Variants in WASF3 observed in about 807,000 individuals in gnomAD.
The protein encoded by WASF3 is WASP family member 3.
Under a neutral mutation model 46.6 loss-of-function variants are expected in WASF3, and 11 were observed. The ratio of observed to expected loss-of-function variants is 0.24; its 90% CI spans 0.15 to 0.39. The LOEUF is 0.39. WASF3 is among the 10% of genes least tolerant of loss of function. The pLI, the probability that WASF3 is intolerant of heterozygous loss-of-function variation, is 1.00. For synonymous variants in WASF3, 242 were observed against 259.7 expected, an observed-to-expected ratio of 0.93 and a Z score of 0.65; for missense variants, 576 against 669.8, an observed-to-expected ratio of 0.86 and a Z score of 1.55.
intron 5 of WASF3, among the ~76,000 whole-genome samples, chr13:26,670,451 A>T (rs1251236888): frequency 6.6e-6 from 1 of 152,184 alleles, no homozygotes; most frequent in African/African-American, 2.4e-5. Context: ...CTGTGTAACA[A>T]ACCTACATGT....
intron 1 of WASF3, among the ~76,000 whole-genome samples, chr13:26,584,088 A>T (rs1044588599): frequency 6.6e-6 from 1 of 152,188 alleles, no homozygotes; most frequent in Non-Finnish European, 1.5e-5. Context: ...GTTTTGCAGG[A>T]TTATGGAGAT....
intron 3 of WASF3, among the ~76,000 whole-genome samples, chr13:26,651,872 A>G (rs529306494): frequency 3.9e-5 from 6 of 152,364 alleles, no homozygotes; most frequent in Admixed American, 2.0e-4. Context: ...ATGAAGTACT[A>G]TGTTATTTGA....
At chr13:26,635,339 G>C (rs1304168167) in intron 2 of WASF3, among the ~76,000 whole-genome samples, 2 of 152,112 alleles carry the variant, frequency 1.3e-5, no homozygotes, top group Non-Finnish European at 2.9e-5. Flanking sequence ...AGCTCCATCA[G>C]GTCATTTAAG....
intron 3 of WASF3, among the ~76,000 whole-genome samples, chr13:26,650,655 G>T (rs1293666616): frequency 6.6e-6 from 1 of 152,172 alleles, no homozygotes; most frequent in Admixed American, 6.5e-5. Context: ...GATGAACAAC[G>T]TGTGAGGAAA....
At chr13:26,630,881 G>A (rs538296396) in intron 2 of WASF3, among the ~76,000 whole-genome samples, 169 of 152,274 alleles carry the variant, frequency 1.1e-3, no homozygotes, top group African/African-American at 3.9e-3. Context: ...ATCTCATTGT[G>A]GTTTTGATTT....
chr13:26,539,325 C>CAT, the WASF3 span, among the ~76,000 whole-genome samples: 1 of 152,278 alleles, frequency 6.6e-6, no homozygotes, highest in East Asian at 1.9e-4. Context: ...GATGGACCCT[C>CAT]ATGCAGGATC....
chr13:26,578,564 C>T (rs961113706), intron 1 of WASF3, among the ~76,000 whole-genome samples: 4 of 152,140 alleles, frequency 2.6e-5, no homozygotes, highest in African/African-American at 9.7e-5. Context: ...AATAAGTTCC[C>T]ATTCACATTT....
At chr13:26,544,273 T>G in the WASF3 span, among the ~76,000 whole-genome samples, 1 of 152,200 alleles carries the variant, frequency 6.6e-6, no homozygotes, top group Admixed American at 6.5e-5. Flanking sequence ...ATCATCATTG[T>G]TTTTTACTCA....
At chr13:26,547,289 A>T in the WASF3 span, among the ~76,000 whole-genome samples, 1 of 152,120 alleles carries the variant, frequency 6.6e-6, no homozygotes, top group African/African-American at 2.4e-5. Context: ...CTGTGCAATA[A>T]TATAGGGTAT....
intron 3 of WASF3, among the ~76,000 whole-genome samples, chr13:26,648,506 C>T (rs1882218168): frequency 6.6e-6 from 1 of 152,096 alleles, no homozygotes; most frequent in African/African-American, 2.4e-5. Flanking sequence ...AAGGCATGCG[C>T]TGAATAACTT....
At chr13:26,648,564 A>G (rs1882219565) in intron 3 of WASF3, among the ~76,000 whole-genome samples, 1 of 152,194 alleles carries the variant, frequency 6.6e-6, no homozygotes, top group Non-Finnish European at 1.5e-5. Flanking sequence ...GGTGAGGAAG[A>G]TAGAACACAG....
At chr13:26,578,993 CTTTTTTTTTTTTT>C (rs200299739) in intron 1 of WASF3, among the ~76,000 whole-genome samples, 2 of 60,638 alleles carry the variant, frequency 3.3e-5, no homozygotes, top group African/African-American at 7.7e-5. Context: ...GATACATTTC[CTTTTTTTTTTTTT>C]TTTTTTTTTT....
intron 9 of WASF3, among the ~76,000 whole-genome samples, chr13:26,685,160 T>C (rs1427876306): frequency 6.6e-6 from 1 of 152,046 alleles, no homozygotes; most frequent in Non-Finnish European, 1.5e-5. Context: ...AGAAAGTAGA[T>C]GATTGTATTT....
chr13:26,558,419 G>C (rs1296865772), intron 1 of WASF3, among the ~76,000 whole-genome samples: 1 of 148,092 alleles, frequency 6.8e-6, no homozygotes, highest in Non-Finnish European at 1.5e-5. Context: ...GACCAGGCCG[G>C]ACTCTTGGAG....
chr13:26,571,734 C>T (rs1431602821), intron 1 of WASF3, among the ~76,000 whole-genome samples: 1 of 152,186 alleles, frequency 6.6e-6, no homozygotes, highest in Non-Finnish European at 1.5e-5. Context: ...ACATGAACTT[C>T]AGCATCAATT....
chr13:26,606,070 T>A (rs1462969000), intron 1 of WASF3, among the ~76,000 whole-genome samples: 1 of 152,192 alleles, frequency 6.6e-6, no homozygotes, highest in Non-Finnish European at 1.5e-5. Flanking sequence ...CGGCACCTGG[T>A]GGTGCAGTAA....
At chr13:26,642,959 G>A (rs1215233567) in intron 3 of WASF3, among the ~76,000 whole-genome samples, 3 of 152,180 alleles carry the variant, frequency 2.0e-5, no homozygotes, top group Non-Finnish European at 4.4e-5. Flanking sequence ...GAACAGATCA[G>A]CTGGTTATTT....
chr13:26,675,018 C>T (rs756929243), intron 6 of WASF3, among the ~76,000 whole-genome samples: 2 of 152,178 alleles, frequency 1.3e-5, no homozygotes, highest in African/African-American at 4.8e-5. Flanking sequence ...CTAAAGCCTC[C>T]GGGATGCCTC....
chr13:26,664,995 C>T, intron 3 of WASF3, 33 bp from the exon 4 acceptor site: 2 of 1,612,190 alleles, frequency 1.2e-6, no homozygotes, highest in Non-Finnish European at 1.7e-6. Flanking sequence ...AGCTCCCTAA[C>T]AGATGGCCTT....
Sources: gnomAD v4.1 joint callset for allele counts (sites outside exome capture counted in the v4.1 genomes callset) on GRCh38, gnomAD v4.1.1 for gene constraint, MANE v1.5 for transcripts, NCBI Gene and HGNC (gene_info 2026-07-23, HGNC 2026-07-21) for gene names.